The following GTF2E2 variants were observed in gnomAD, a reference collection of about 807,000 sequenced individuals.
GTF2E2 encodes the protein general transcription factor IIE subunit 2, also known as transcription initiation factor IIE subunit beta.
A neutral mutation model predicts 40.5 loss-of-function variants in GTF2E2; 21 were observed. The ratio of observed to expected loss-of-function variants is 0.52; its 90% CI spans 0.37 to 0.75. The LOEUF (loss-of-function observed/expected upper bound fraction) is 0.75, where lower values mean the gene tolerates loss of function less well. GTF2E2 is among the 30% of genes least tolerant of loss of function. The pLI, the probability that GTF2E2 is intolerant of heterozygous loss-of-function variation, is 0.00. For synonymous variants in GTF2E2, 117 were observed against 121.6 expected, an observed-to-expected ratio of 0.96 and a Z score of 0.25; for missense variants, 298 against 338.4, an observed-to-expected ratio of 0.88 and a Z score of 0.94.
At chr8:30,636,459 C>T (rs1004069435) in intron 2 of GTF2E2, among the ~76,000 whole-genome samples, 1 of 152,214 alleles carries the variant, frequency 6.6e-6, no homozygotes, top group Non-Finnish European at 1.5e-5. Context: ...TACCATACTC[C>T]TTTGAGATTA....
intron 5 of GTF2E2, among the ~76,000 whole-genome samples, chr8:30,610,372 G>T (rs1829444955): frequency 6.6e-6 from 1 of 151,346 alleles, no homozygotes; most frequent in Non-Finnish European, 1.5e-5. Context: ...CTTGAACCTG[G>T]GAGGCAGAGG....
intron 6 of GTF2E2, among the ~76,000 whole-genome samples, chr8:30,599,035 G>A (rs1829094002): frequency 6.6e-6 from 1 of 152,126 alleles, no homozygotes; most frequent in South Asian, 2.1e-4. Context: ...TACTCTTTAT[G>A]TTCTATGAGG....
chr8:30,648,663 A>C (rs1231929749), intron 2 of GTF2E2, among the ~76,000 whole-genome samples: 1 of 152,224 alleles, frequency 6.6e-6, no homozygotes, highest in Non-Finnish European at 1.5e-5. Context: ...CTGCTAGTGC[A>C]AGCTCTTCCA....
chr8:30,655,039 T>C (rs1802410281), intron 1 of GTF2E2, among the ~76,000 whole-genome samples: 4 of 152,152 alleles, frequency 2.6e-5, no homozygotes, highest in South Asian at 4.2e-4. Context: ...AGTGAAACCC[T>C]ATCTCTACGA....
At chr8:30,594,486 G>A (rs1419941689) in intron 6 of GTF2E2, among the ~76,000 whole-genome samples, 5 of 150,002 alleles carry the variant, frequency 3.3e-5, no homozygotes, top group Admixed American at 1.3e-4. Flanking sequence ...TTGAACTTCT[G>A]ACCTAAAGTG....
At chr8:30,580,255 A>T in intron 7 of GTF2E2, 26 bp downstream of exon 7, 1 of 1,249,560 alleles carries the variant, frequency 8.0e-7, no homozygotes, top group Non-Finnish European at 1.2e-6. Flanking sequence ...GCAGGGGATT[A>T]AGCTGCTTTG....
intron 6 of GTF2E2, among the ~76,000 whole-genome samples, chr8:30,594,824 T>C (rs1180105010): frequency 4.1e-5 from 6 of 147,062 alleles, no homozygotes; most frequent in Non-Finnish European, 8.9e-5. Flanking sequence ...ACCACTGCAC[T>C]CCAGCCTGGG....
chr8:30,647,113 A>G (rs1183481984), intron 2 of GTF2E2, among the ~76,000 whole-genome samples: 3 of 152,076 alleles, frequency 2.0e-5, no homozygotes, highest in Non-Finnish European at 4.4e-5. Context: ...CACATGAGTA[A>G]GGTTTGAAAA....
At chr8:30,629,206 ATT>A (rs1008316783) in intron 3 of GTF2E2, among the ~76,000 whole-genome samples, 3 of 152,198 alleles carry the variant, frequency 2.0e-5, no homozygotes, top group African/African-American at 7.2e-5. Flanking sequence ...AAATACTTTT[ATT>A]TAAAACTGGA....
At chr8:30,644,394 T>C (rs1280922484) in intron 2 of GTF2E2, 1 of 152,182 alleles carries the variant, frequency 6.6e-6, no homozygotes, top group East Asian at 1.9e-4. Flanking sequence ...ACCCCAAGAT[T>C]AGGGTCTCTT....
chr8:30,623,554 T>C (rs1374668529), intron 3 of GTF2E2, among the ~76,000 whole-genome samples: 6 of 152,086 alleles, frequency 3.9e-5, no homozygotes, highest in Admixed American at 3.3e-4. Flanking sequence ...CTGGGTCAAA[T>C]GGTATTTCTA....
At chr8:30,633,134 CT>C (rs1801489673) in intron 3 of GTF2E2, among the ~76,000 whole-genome samples, 1 of 152,018 alleles carries the variant, frequency 6.6e-6, no homozygotes, top group Non-Finnish European at 1.5e-5. Flanking sequence ...ATTTTTAACA[CT>C]TAGAGCTTTA....
intron 6 of GTF2E2, among the ~76,000 whole-genome samples, chr8:30,595,639 T>C (rs1189852869): frequency 1.3e-5 from 2 of 152,068 alleles, no homozygotes; most frequent in African/African-American, 2.4e-5. Context: ...AAACCAGCCT[T>C]GGCAACATGG....
chr8:30,581,353 C>T (rs150263361), intron 6 of GTF2E2, among the ~76,000 whole-genome samples: 95 of 152,296 alleles, frequency 6.2e-4, no homozygotes, highest in African/African-American at 2.1e-3. Flanking sequence ...GGTCCGTTTA[C>T]AAATGATAAA....
At chr8:30,657,619 T>A (rs1802486026) in intron 1 of GTF2E2, 2 of 152,160 alleles carry the variant, frequency 1.3e-5, no homozygotes, top group Admixed American at 6.5e-5. Context: ...CGTATGAGCA[T>A]CATTTTAAAT....
intron 3 of GTF2E2, among the ~76,000 whole-genome samples, chr8:30,615,275 G>A (rs1163830058): frequency 6.6e-6 from 1 of 152,096 alleles, no homozygotes; most frequent in African/African-American, 2.4e-5. Flanking sequence ...GCAAGACTCT[G>A]TCTTGAAAAA....
chr8:30,586,830 T>C (rs1828700805), intron 6 of GTF2E2, among the ~76,000 whole-genome samples: 2 of 152,214 alleles, frequency 1.3e-5, no homozygotes, highest in Non-Finnish European at 2.9e-5. Context: ...ATGAGGCCAC[T>C]GTCTCACACC....
intron 2 of GTF2E2, among the ~76,000 whole-genome samples, chr8:30,650,637 A>G (rs1035925514): frequency 6.6e-6 from 1 of 152,008 alleles, no homozygotes; most frequent in African/African-American, 2.4e-5. Flanking sequence ...TCGAGGCTGC[A>G]GTGAGCCATG....
chr8:30,595,509 TGAGA>T (rs918091154), intron 6 of GTF2E2, among the ~76,000 whole-genome samples: 2 of 152,194 alleles, frequency 1.3e-5, no homozygotes, highest in Non-Finnish European at 1.5e-5. Context: ...TCTGTTTCTC[TGAGA>T]GAGCATTTGT....
Sources: allele counts gnomAD v4.1 joint callset (sites outside exome capture counted in the v4.1 genomes callset), GRCh38; gene constraint gnomAD v4.1.1; transcripts MANE v1.5; gene names NCBI Gene and HGNC (gene_info 2026-07-23, HGNC 2026-07-21).